Variants in BDNF observed in about 807,000 individuals in gnomAD.
The protein encoded by BDNF is brain derived neurotrophic factor.
Under a neutral mutation model 19.5 loss-of-function variants are expected in BDNF, and 1 was observed. The ratio of observed to expected loss-of-function variants is 0.05; its 90% CI spans 0.02 to 0.24. BDNF has a LOEUF of 0.24. Among genes scored for constraint, BDNF ranks in the 10% least tolerant of loss-of-function variants. BDNF has a pLI of 1.00. For synonymous variants in BDNF, 100 were observed against 121.6 expected, an observed-to-expected ratio of 0.82 and a Z score of 1.17; for missense variants, 195 against 317.6, an observed-to-expected ratio of 0.61 and a Z score of 2.93.
intron 1 of BDNF, chr11:27,660,059 G>A: frequency 2.3e-6 from 1 of 427,692 alleles, no homozygotes; most frequent in Non-Finnish European, 3.5e-6. Flanking sequence ...CTTACAAAAA[G>A]ACACATACAT....
intron 1 of BDNF, among the ~76,000 whole-genome samples, chr11:27,715,490 C>T (rs1860477439): frequency 6.6e-6 from 1 of 152,156 alleles, no homozygotes; most frequent in Non-Finnish European, 1.5e-5. Context: ...AGGAAGAGTC[C>T]TGCTTTCTTT....
At position 27,657,543 on chromosome 11, in the gene BDNF, A is replaced by T; in HGVS notation, c.*278T>A. 1 of 1,174,592 alleles carries T rather than the reference A, an allele frequency of 8.5e-7. No homozygotes were observed. The highest frequency in any genetic ancestry group is 1.1e-6 in the Non-Finnish European group (1 of 948,518). 72.8% of individuals were successfully genotyped at this position (1,174,592 alleles called of 1,614,324 possible). A position where few individuals can be genotyped will look rare whatever the true frequency, so the allele number is the denominator to read the frequency against. ...AGCATGCAATTTATTATTTTTTTTA[A>T]CTTTTTATGTTTTCAGTTCTTGGCA... On this transcript the variant is annotated 3_prime_UTR_variant, in exon 2 of 2. Transcript: ENST00000356660. This position sits in a 1 kb window ranked among gnomAD's most constrained non-coding sequence, Gnocchi z 5.0.
chr11:27,712,133 T>C (rs1453608726), intron 1 of BDNF, among the ~76,000 whole-genome samples: 1 of 152,244 alleles, frequency 6.6e-6, no homozygotes, highest in East Asian at 1.9e-4. Flanking sequence ...GATTTCCTTT[T>C]GCCAGGAAGG....
Position 27,657,533 on chromosome 11 carries a change from A to AT in BDNF, c.*287dup, listed in dbSNP as rs1359504656. ...CAATTAAAGCAGCATGCAATTTATT[A>AT]TTTTTTTTAACTTTTTATGTTTTCA... On this transcript the variant is annotated 3_prime_UTR_variant, in exon 2 of 2. Coordinates refer to ENST00000356660, the MANE Select transcript of BDNF (RefSeq NM_001709.5). This position sits in a 1 kb window ranked among gnomAD's most constrained non-coding sequence, Gnocchi z 5.0. 2.2e-5 allele frequency: 25 copies of AT among 1,158,208 alleles called. No homozygotes were observed. Among genetic ancestry groups the AT allele is most frequent in the African/African-American group, 4.8e-5 (3 of 63,086 alleles). 71.7% of individuals were successfully genotyped at this position (1,158,208 alleles called of 1,614,324 possible).
chr11:27,693,881 C>T (rs981377521), intron 1 of BDNF, among the ~76,000 whole-genome samples: 2 of 152,132 alleles, frequency 1.3e-5, no homozygotes, highest in Non-Finnish European at 1.5e-5. Context: ...GACTAAATCC[C>T]ATGTGGCAAA....
At chr11:27,721,512 A>G (rs1860739234) in exon 1 of BDNF, 1 of 1,412,612 alleles carries the variant, frequency 7.1e-7, no homozygotes, top group African/African-American at 1.4e-5. Flanking sequence ...ATCATGTGAG[A>G]AGTTCGGCTT....
At chr11:27,696,872 C>G (rs1396192158) in intron 1 of BDNF, among the ~76,000 whole-genome samples, 1 of 152,138 alleles carries the variant, frequency 6.6e-6, no homozygotes, top group Non-Finnish European at 1.5e-5. Context: ...GAGTGCCTTT[C>G]TTCTCAAAAG....
chr11:27,667,253 A>C (rs1854514595), intron 1 of BDNF, among the ~76,000 whole-genome samples: 1 of 152,200 alleles, frequency 6.6e-6, no homozygotes, highest in Non-Finnish European at 1.5e-5. Context: ...GCCTTACAAG[A>C]GCTCCTGAAG....
chr11:27,674,922 A>T lies in BDNF; in HGVS notation c.-21-16337T>A, dbSNP rs980213464. ...TGTTTCTCTTTGTATTAAACTTGAT[A>T]AAAAATAATAGCTAACATTTATTAA... On this transcript the variant is annotated intron_variant, in intron 1 of 1. Transcript: ENST00000356660. 3 of 886,308 alleles carry T rather than the reference A, an allele frequency of 3.4e-6. No homozygotes were observed. The African/African-American group carries it at 5.5e-5, about 16-fold the overall frequency. 54.9% of individuals were successfully genotyped at this position (886,308 alleles called of 1,614,324 possible).
At chr11:27,664,705 T>G (rs949457021) in intron 1 of BDNF, among the ~76,000 whole-genome samples, 1 of 151,994 alleles carries the variant, frequency 6.6e-6, no homozygotes, top group African/African-American at 2.4e-5. Context: ...ATTACTTGAG[T>G]CTAAGAAGTT....
intron 1 of BDNF, among the ~76,000 whole-genome samples, chr11:27,668,899 A>G (rs1029579072): frequency 1.3e-5 from 2 of 152,222 alleles, no homozygotes; most frequent in Non-Finnish European, 2.9e-5. Context: ...ATCCTCCCTA[A>G]CTCATTTTAT....
intron 1 of BDNF, chr11:27,720,779 T>C (rs781407566): frequency 2.0e-5 from 20 of 986,732 alleles, no homozygotes; most frequent in Non-Finnish European, 2.2e-5. Flanking sequence ...TACTTGATAT[T>C]GCTCTAGACG....
chr11:27,690,765 A>T (rs753845138), intron 1 of BDNF, among the ~76,000 whole-genome samples: 3 of 152,338 alleles, frequency 2.0e-5, no homozygotes, highest in Middle Eastern at 3.4e-3. Flanking sequence ...TGGCATAATC[A>T]TTAACCAACT....
intron 1 of BDNF, chr11:27,674,089 T>A (rs1205090791): frequency 1.9e-6 from 3 of 1,610,186 alleles, no homozygotes; most frequent in Non-Finnish European, 2.5e-6. Flanking sequence ...GGGATCAGTT[T>A]GTTAAATTCC....
In BDNF at chr11:27,655,814, G is replaced by A. The variant is rs1309348609; in HGVS notation, c.*2007C>T. 1 of 152,158 alleles carries A rather than the reference G, an allele frequency of 6.6e-6. No homozygotes were observed. Among genetic ancestry groups the A allele is most frequent in the Non-Finnish European group, 1.5e-5 (1 of 68,056 alleles). 9.4% of individuals were successfully genotyped at this position (152,158 alleles called of 1,614,324 possible). A position where few individuals can be genotyped will look rare whatever the true frequency, so the allele number is the denominator to read the frequency against. On this transcript the variant is annotated 3_prime_UTR_variant, in exon 2 of 2. Coordinates refer to ENST00000356660, the MANE Select transcript of BDNF (RefSeq NM_001709.5). The stretch of plus-strand genomic sequence containing the variant: ...TCACTAACATTTTCAGGTGTGAAAT[G>A]GGCTGAATGGGCTTAGAGCTCTAGT...
At chr11:27,688,284 G>A (rs1358434659) in intron 1 of BDNF, among the ~76,000 whole-genome samples, 2 of 152,214 alleles carry the variant, frequency 1.3e-5, no homozygotes, top group East Asian at 3.9e-4. Flanking sequence ...ATCCCAGGTT[G>A]ACTTCAGGCA....
At chr11:27,716,343 C>T (rs929198479) in intron 1 of BDNF, among the ~76,000 whole-genome samples, 4 of 151,914 alleles carry the variant, frequency 2.6e-5, no homozygotes, top group Admixed American at 6.6e-5. Context: ...CTAAGTAGTA[C>T]GCAATGTTCT....
rs997466956 is a variant in BDNF, at chr11:27,674,672, G to A, written c.-21-16087C>T. On this transcript the variant is annotated intron_variant, in intron 1 of 1. Coordinates refer to ENST00000356660, the MANE Select transcript of BDNF (RefSeq NM_001709.5). Reference sequence around the variant, plus strand: ...CACCTATATGGAAACATTCAATTTGGCGGTACTGTGAACAACAGGACTGTG... The same window carrying A: ...CACCTATATGGAAACATTCAATTTGACGGTACTGTGAACAACAGGACTGTG... 3.2e-5 allele frequency: 32 copies of A among 985,224 alleles called. No homozygotes were observed. In the African/African-American group the frequency reaches 5.6e-4, roughly 17 times the overall value. 61.0% of individuals were successfully genotyped at this position (985,224 alleles called of 1,614,324 possible).
At chr11:27,673,481 G>A (rs1167998099) in intron 1 of BDNF, among the ~76,000 whole-genome samples, 1 of 152,116 alleles carries the variant, frequency 6.6e-6, no homozygotes, top group Middle Eastern at 3.2e-3. Context: ...CAGAATTGAC[G>A]ACTTTAATCA....
Sources: allele counts gnomAD v4.1 joint callset (sites outside exome capture counted in the v4.1 genomes callset), GRCh38; gene constraint gnomAD v4.1.1; non-coding constraint Gnocchi (gnomAD v3.1); transcripts MANE v1.5; gene names NCBI Gene and HGNC (gene_info 2026-07-23, HGNC 2026-07-21).